The following GRM3 variants were observed in gnomAD, a reference collection of about 807,000 sequenced individuals.
The protein encoded by GRM3 is metabotropic glutamate receptor 3.
GRM3 carries 26 observed loss-of-function variants against 70.5 expected under a neutral mutation model. The observed-to-expected ratio is 0.37, with a 90% CI of 0.27 to 0.51. The LOEUF is 0.51. Ranked by LOEUF, GRM3 falls within the 20% of genes least tolerant of loss-of-function variation. The pLI is 0.93. For synonymous variants in GRM3, 443 were observed against 434.9 expected, an observed-to-expected ratio of 1.02 and a Z score of -0.23; for missense variants, 859 against 1,123.8, an observed-to-expected ratio of 0.76 and a Z score of 3.37.
At chr7:86,762,215 C>A (rs906630972) in intron 1 of GRM3, among the ~76,000 whole-genome samples, 3 of 152,028 alleles carry the variant, frequency 2.0e-5, no homozygotes, top group African/African-American at 7.2e-5. Flanking sequence ...ACTACAGTAT[C>A]AACTTTTTAA....
At chr7:86,781,243 A>C (rs1797050823) in intron 2 of GRM3, among the ~76,000 whole-genome samples, 2 of 152,104 alleles carry the variant, frequency 1.3e-5, no homozygotes, top group African/African-American at 2.4e-5. Flanking sequence ...TCCCCAAAAA[A>C]GCCTTACCCA....
intron 1 of GRM3, among the ~76,000 whole-genome samples, chr7:86,664,666 A>T (rs1793980032): frequency 6.6e-6 from 1 of 151,854 alleles, no homozygotes; most frequent in South Asian, 2.1e-4. Flanking sequence ...AGATGACAGA[A>T]TTTTCTCTAC....
chr7:86,754,209 A>G (rs1201947600), intron 1 of GRM3, among the ~76,000 whole-genome samples: 2 of 152,128 alleles, frequency 1.3e-5, no homozygotes, highest in Non-Finnish European at 2.9e-5. Context: ...ACATGCTATA[A>G]CTTGAAGAAC....
At chr7:86,731,861 T>A (rs1040935702) in intron 1 of GRM3, among the ~76,000 whole-genome samples, 2 of 152,220 alleles carry the variant, frequency 1.3e-5, no homozygotes, top group African/African-American at 4.8e-5. Flanking sequence ...CATCTTAATT[T>A]TTTTTTATCT....
At chr7:86,772,219 C>A (rs1796762997) in intron 2 of GRM3, among the ~76,000 whole-genome samples, 2 of 152,078 alleles carry the variant, frequency 1.3e-5, no homozygotes, top group South Asian at 2.1e-4. Flanking sequence ...GAATTGATTA[C>A]CTATGTACAG....
At chr7:86,674,513 G>T (rs1794253040) in intron 1 of GRM3, among the ~76,000 whole-genome samples, 1 of 152,136 alleles carries the variant, frequency 6.6e-6, no homozygotes, top group African/African-American at 2.4e-5. Context: ...CTAAGAGAAG[G>T]AGCATCAAAG....
chr7:86,706,485 T>C (rs1795059822), intron 1 of GRM3, among the ~76,000 whole-genome samples: 1 of 151,894 alleles, frequency 6.6e-6, no homozygotes, highest in African/African-American at 2.4e-5. Context: ...TCACTTCCAG[T>C]TGGTGTTAGT....
intron 1 of GRM3, among the ~76,000 whole-genome samples, chr7:86,649,505 A>T (rs1018849990): frequency 2.0e-5 from 3 of 152,144 alleles, no homozygotes; most frequent in Non-Finnish European, 4.4e-5. Context: ...TAGAGAAGGC[A>T]CCTCCACAAA....
At chr7:86,751,047 C>A (rs980370900) in intron 1 of GRM3, among the ~76,000 whole-genome samples, 1 of 152,024 alleles carries the variant, frequency 6.6e-6, no homozygotes, top group African/African-American at 2.4e-5. Context: ...ATATTTTAAT[C>A]TTAGACCAGT....
intron 1 of GRM3, among the ~76,000 whole-genome samples, chr7:86,728,166 C>G (rs1795636395): frequency 6.6e-6 from 1 of 152,118 alleles, no homozygotes; most frequent in Admixed American, 6.6e-5. Flanking sequence ...ATGCCTGTCT[C>G]CCCCATTGCT....
At chr7:86,718,029 C>CTG (rs3216248) in intron 1 of GRM3, among the ~76,000 whole-genome samples, 65,397 of 151,410 alleles carry the variant, frequency 0.43, 15,300 homozygotes, top group East Asian at 0.77. Context: ...GTTCCTAAAA[C>CTG]TCAGAAATCC....
intron 4 of GRM3, among the ~76,000 whole-genome samples, chr7:86,846,671 C>T (rs1798661777): frequency 6.6e-6 from 1 of 152,166 alleles, no homozygotes; most frequent in Non-Finnish European, 1.5e-5. Flanking sequence ...AAACTTCGAC[C>T]ACATCTCCAA....
At chr7:86,844,977 C>T (rs1798628458) in intron 4 of GRM3, among the ~76,000 whole-genome samples, 1 of 152,066 alleles carries the variant, frequency 6.6e-6, no homozygotes, top group Non-Finnish European at 1.5e-5. Context: ...GCAACCTCTG[C>T]CTCCTGGATT....
intron 1 of GRM3, among the ~76,000 whole-genome samples, chr7:86,751,843 A>C (rs909463682): frequency 6.6e-6 from 1 of 152,102 alleles, no homozygotes; most frequent in South Asian, 2.1e-4. Flanking sequence ...ACTTCTCACC[A>C]GGCATTAGAG....
At chr7:86,806,151 A>G (rs1038883619) in intron 3 of GRM3, among the ~76,000 whole-genome samples, 2 of 152,124 alleles carry the variant, frequency 1.3e-5, no homozygotes, top group Non-Finnish European at 1.5e-5. Flanking sequence ...TCTATCATTG[A>G]TGGACATTTG....
Position 86,864,506 on chromosome 7 carries a change from T to C in GRM3, c.*151T>C, listed in dbSNP as rs1799024290. ...AATTATTTTTGAGGACTGTATATAG[T>C]GATGTGCTAGAACTTTCTAGGCTGA... On this transcript the variant is annotated 3_prime_UTR_variant, in exon 6 of 6. Coordinates refer to ENST00000361669, the MANE Select transcript of GRM3 (RefSeq NM_000840.3). 3.1e-6 allele frequency: 2 copies of C among 637,884 alleles called. No individual in the cohort carries two copies. Among genetic ancestry groups the C allele is most frequent in the Non-Finnish European group, 5.8e-6 (2 of 345,942 alleles). The allele number at this position is 637,884 out of a possible 1,614,324, so 39.5% of individuals were successfully genotyped here.
chr7:86,794,211 A>G lies in GRM3; in HGVS notation c.1324+7095A>G, dbSNP rs561231746. Among the ~76,000 whole-genome samples, 12 of 152,312 alleles carry G rather than the reference A, an allele frequency of 7.9e-5. No individual in the cohort carries two copies. In the East Asian group the frequency reaches 9.7e-4, roughly 12 times the overall value. On this transcript the variant is annotated intron_variant, in intron 3 of 5. Coordinates refer to ENST00000361669, the MANE Select transcript of GRM3 (RefSeq NM_000840.3). ...ATCTCTGGAAACTTTGTCATAGTAG[A>G]GTTAAAAACATAGTTTTTTCCACTT...
chr7:86,698,520 T>TTATATATATATATATATATATATA (rs570784350), intron 1 of GRM3, among the ~76,000 whole-genome samples: 2 of 142,156 alleles, frequency 1.4e-5, no homozygotes, highest in African/African-American at 5.4e-5. Context: ...TAAAAAGTAT[T>TTATATATATATATATATATATATA]TATATATATA....
chr7:86,797,826 A>G (rs961502090), intron 3 of GRM3, among the ~76,000 whole-genome samples: 3 of 152,134 alleles, frequency 2.0e-5, no homozygotes, highest in African/African-American at 7.2e-5. Context: ...TAGGAGATAA[A>G]AAATGATTTC....
Sources: allele counts gnomAD v4.1 joint callset (sites outside exome capture counted in the v4.1 genomes callset), GRCh38; gene constraint gnomAD v4.1.1; transcripts MANE v1.5; gene names NCBI Gene and HGNC (gene_info 2026-07-23, HGNC 2026-07-21).